Variants in TDRD9 observed in about 807,000 individuals in gnomAD.
TDRD9 encodes the protein tudor domain containing 9.
In TDRD9, 124 loss-of-function variants were observed where a neutral mutation model predicts 172.6. The observed-to-expected ratio is 0.72, with a 90% CI of 0.62 to 0.83. The LOEUF is 0.83. Ranked by LOEUF, TDRD9 falls within the 40% of genes least tolerant of loss-of-function variation. TDRD9 has a pLI of 0.00. For missense variants in TDRD9, 1,479 were observed against 1,714.1 expected, an observed-to-expected ratio of 0.86 and a Z score of 2.42; for synonymous variants, 619 against 617.1, an observed-to-expected ratio of 1.00 and a Z score of -0.05.
intron 3 of TDRD9, among the ~76,000 whole-genome samples, chr14:103,963,517 C>T (rs1595920810): frequency 6.6e-6 from 1 of 152,284 alleles, no homozygotes; most frequent in South Asian, 2.1e-4. Context: ...AATAAACTCA[C>T]TGCTAAATGT....
intron 5 of TDRD9, 85 bp from the exon 6 acceptor site, chr14:103,970,456 A>C: frequency 1.1e-6 from 1 of 926,456 alleles, no homozygotes; most frequent in Non-Finnish European, 1.7e-6. Context: ...TTTAGTCCCC[A>C]GTCCCCCAGT....
chr14:103,960,238 C>T (rs967408275), intron 2 of TDRD9, among the ~76,000 whole-genome samples: 4 of 148,606 alleles, frequency 2.7e-5, no homozygotes, highest in African/African-American at 7.5e-5. Flanking sequence ...TTAAGTTCAC[C>T]ATGTGAACTG....
intron 5 of TDRD9, among the ~76,000 whole-genome samples, chr14:103,967,429 G>A (rs907463656): frequency 6.6e-6 from 1 of 151,912 alleles, no homozygotes. Flanking sequence ...AGAGGCTGAG[G>A]TGGGAGAATA....
chr14:104,039,246 A>G (rs981173310), intron 32 of TDRD9, among the ~76,000 whole-genome samples: 3 of 152,236 alleles, frequency 2.0e-5, no homozygotes, highest in Non-Finnish European at 2.9e-5. Context: ...AACCACCCTC[A>G]TGATTAACTG....
intron 1 of TDRD9, among the ~76,000 whole-genome samples, chr14:103,944,357 T>G (rs988973313): frequency 2.0e-5 from 3 of 152,228 alleles, no homozygotes; most frequent in African/African-American, 7.2e-5. Context: ...GAAAAGCTGC[T>G]TCTTTGTGTT....
intron 8 of TDRD9, among the ~76,000 whole-genome samples, 192 bp from the exon 9 acceptor site, chr14:103,990,968 T>C (rs995756850): frequency 1.3e-5 from 2 of 152,226 alleles, no homozygotes; most frequent in African/African-American, 4.8e-5. Context: ...TTAAGTCCCC[T>C]GAATGACCAT....
chr14:103,985,202 C>A (rs994715771), intron 7 of TDRD9, among the ~76,000 whole-genome samples: 1 of 152,070 alleles, frequency 6.6e-6, no homozygotes, highest in Admixed American at 6.6e-5. Flanking sequence ...AATGTGAGGA[C>A]ATGAGATTTG....
intron 5 of TDRD9, among the ~76,000 whole-genome samples, chr14:103,968,803 A>AAAAAAAAAAC: frequency 7.6e-6 from 1 of 132,230 alleles, no homozygotes; most frequent in Non-Finnish European, 1.6e-5. Flanking sequence ...CTCAAAAAAA[A>AAAAAAAAAAC]AGAATAAAGT....
At chr14:104,003,106 T>C (rs1479779860) in intron 13 of TDRD9, among the ~76,000 whole-genome samples, 4 of 151,930 alleles carry the variant, frequency 2.6e-5, no homozygotes, top group South Asian at 4.2e-4. Flanking sequence ...TTTGTCACCA[T>C]TGTAAATGTG....
intron 1 of TDRD9, among the ~76,000 whole-genome samples, chr14:103,935,370 G>A (rs2030691401): frequency 6.6e-6 from 1 of 152,194 alleles, no homozygotes; most frequent in Non-Finnish European, 1.5e-5. Context: ...TGTAGCTGGA[G>A]CAAGTGTAGG....
At chr14:103,954,117 A>AAT (rs761693468) in intron 1 of TDRD9, among the ~76,000 whole-genome samples, 6 of 152,224 alleles carry the variant, frequency 3.9e-5, no homozygotes, top group Non-Finnish European at 7.3e-5. Flanking sequence ...GATAGCATAT[A>AAT]ATACATATCA....
chr14:104,052,014 C>T lies in TDRD9; in HGVS notation c.4081C>T (p.Arg1361Cys), dbSNP rs148705648. The T allele has an allele frequency of 4.3e-5, 68 of 1,596,724 alleles. 1 individual carries two copies. The highest frequency in any genetic ancestry group is 3.3e-4 in the Middle Eastern group (2 of 6,068). The change falls in exon 36 of 36, where the codon CGT (arginine) becomes TGT (cysteine). Residue 1361 changes from arginine (R) to cysteine (C), a missense_variant. Around this residue, in one of 3 missense-constraint regions of TDRD9, gnomAD observed 1,413 missense variants for 1,649.1 expected, o/e 0.86. Transcript: ENST00000409874. Reference sequence around the variant, plus strand: ...AAAGCTGGTCATGGAGCAGGCCGACCGTGAGAGCAGCAGAGGGAAGAACAC... The same window carrying T: ...AAAGCTGGTCATGGAGCAGGCCGACTGTGAGAGCAGCAGAGGGAAGAACAC... ...DPKLVMEQAD[R>C]ESSRGKNTFL...
At chr14:103,953,605 G>T (rs1452921796) in intron 1 of TDRD9, among the ~76,000 whole-genome samples, 1 of 150,824 alleles carries the variant, frequency 6.6e-6, no homozygotes, top group Non-Finnish European at 1.5e-5. Flanking sequence ...AAGGAAAGTT[G>T]GTGGTGAAAT....
intron 1 of TDRD9, among the ~76,000 whole-genome samples, chr14:103,933,193 T>C (rs1411408469): frequency 6.6e-6 from 1 of 152,268 alleles, no homozygotes; most frequent in African/African-American, 2.4e-5. Context: ...TGTCTTCACC[T>C]TGGCATATGA....
rs199681713 is a variant in TDRD9, at chr14:104,018,098, C to T, written c.2338C>T (p.His780Tyr). The T allele has an allele frequency of 1.3e-6, 2 of 1,587,036 alleles. No individual in the cohort carries two copies. Among genetic ancestry groups the T allele is most frequent in the East Asian group, 2.2e-5 (1 of 44,670 alleles). ...KDPKTTVVLK[H>Y]IPPYGFLYYK... The stretch of plus-strand genomic sequence containing the variant: ...TTTGTGTTATATTTTACAGTTGAAA[C>T]ACATTCCTCCCTATGGATTTCTTTA... Residue 780 changes from histidine to tyrosine, a missense_variant, in exon 23 of 36, where the codon CAC becomes TAC. His to Tyr is a moderately conservative substitution (Grantham distance 83). Around this residue, in one of 3 missense-constraint regions of TDRD9, gnomAD observed 1,413 missense variants for 1,649.1 expected, o/e 0.86. Transcript: ENST00000409874.
intron 1 of TDRD9, among the ~76,000 whole-genome samples, chr14:103,952,146 G>A (rs1369058154): frequency 2.8e-5 from 3 of 109,078 alleles, no homozygotes; most frequent in African/African-American, 6.5e-5. Context: ...ATATATATAT[G>A]TATATACGTG....
chr14:104,048,699 C>G (rs147986202), intron 34 of TDRD9, among the ~76,000 whole-genome samples: 1,526 of 152,248 alleles, frequency 0.01, 21 homozygotes, highest in Non-Finnish European at 0.011. Context: ...GGCCTGCTCC[C>G]CCTCTGTGGC....
intron 1 of TDRD9, among the ~76,000 whole-genome samples, chr14:103,953,527 T>A (rs1394403226): frequency 6.8e-6 from 1 of 147,752 alleles, no homozygotes; most frequent in Non-Finnish European, 1.5e-5. Context: ...AGATTGGTGA[T>A]GACACTTGGT....
intron 2 of TDRD9, among the ~76,000 whole-genome samples, chr14:103,958,842 C>T (rs1246673485): frequency 1.3e-5 from 2 of 152,124 alleles, no homozygotes; most frequent in Non-Finnish European, 2.9e-5. Context: ...TAAAATGTGA[C>T]AGCAGCAGTA....
Sources: gnomAD v4.1 joint callset for allele counts (sites outside exome capture counted in the v4.1 genomes callset) on GRCh38, gnomAD v4.1.1 for gene constraint, gnomAD v4.1.1 regional missense constraint, MANE v1.5 for transcripts, NCBI Gene and HGNC (gene_info 2026-07-23, HGNC 2026-07-21) for gene names.